The following TMEM163 variants were observed in gnomAD, a reference collection of about 807,000 sequenced individuals.
The protein encoded by TMEM163 is transmembrane protein 163.
A neutral mutation model predicts 29.3 loss-of-function variants in TMEM163; 17 were observed. The ratio of observed to expected loss-of-function variants is 0.58; its 90% CI spans 0.40 to 0.87. The LOEUF is 0.87. TMEM163 is among the 40% of genes least tolerant of loss of function. The pLI is 0.00. For missense variants in TMEM163, 303 were observed against 381.5 expected, an observed-to-expected ratio of 0.79 and a Z score of 1.71; for synonymous variants, 157 against 160.6, an observed-to-expected ratio of 0.98 and a Z score of 0.17.
chr2:134,667,999 G>T (rs1477933546), intron 2 of TMEM163, among the ~76,000 whole-genome samples: 1 of 152,200 alleles, frequency 6.6e-6, no homozygotes, highest in Non-Finnish European at 1.5e-5. Context: ...CGGATCTGCT[G>T]ATCCAGCCCT....
Position 134,456,541 on chromosome 2 carries a change from C to T in TMEM163, c.*175G>A, listed in dbSNP as rs965780706. 2.9e-5 allele frequency: 20 copies of T among 680,782 alleles called. No individual in the cohort carries two copies. The highest frequency in any genetic ancestry group is 1.2e-4 in the African/African-American group (7 of 56,448). The allele number at this position is 680,782 out of a possible 1,614,324, so 42.2% of individuals were successfully genotyped here. The stretch of plus-strand genomic sequence containing the variant: ...ATTGTCCCAACATGTTTGATGGGGG[C>T]GGCAGGTGATGGGGGCAAGGTAGAT... On this transcript the variant is annotated 3_prime_UTR_variant, in exon 8 of 8. Transcript: ENST00000281924.
At chr2:134,652,144 C>G (rs1389106536) in intron 2 of TMEM163, among the ~76,000 whole-genome samples, 1 of 132,358 alleles carries the variant, frequency 7.6e-6, no homozygotes, top group African/African-American at 3.4e-5. Flanking sequence ...GCAGTATGGC[C>G]ATTTTCACGA....
intron 2 of TMEM163, among the ~76,000 whole-genome samples, chr2:134,625,821 G>C (rs1682836381): frequency 6.6e-6 from 1 of 152,160 alleles, no homozygotes; most frequent in Admixed American, 6.5e-5. Flanking sequence ...GCTTATCAGA[G>C]AGTCAGCTGT....
chr2:134,545,653 A>G (rs1049879411), intron 4 of TMEM163, among the ~76,000 whole-genome samples: 1 of 152,072 alleles, frequency 6.6e-6, no homozygotes, highest in Non-Finnish European at 1.5e-5. Flanking sequence ...CATTCCTGGT[A>G]ACTTAAATCT....
intron 1 of TMEM163, 69 bp downstream of exon 1, chr2:134,718,665 G>A (rs1685093019): frequency 2.8e-6 from 3 of 1,076,262 alleles, no homozygotes; most frequent in Non-Finnish European, 2.3e-6. Flanking sequence ...AGCGCGGCCC[G>A]CGAGTGGGGA....
chr2:134,688,051 C>T (rs1165882531), intron 2 of TMEM163, among the ~76,000 whole-genome samples: 2 of 152,088 alleles, frequency 1.3e-5, no homozygotes, highest in Non-Finnish European at 2.9e-5. Context: ...ATAACAAAGC[C>T]ACTACCGGCC....
At chr2:134,590,050 A>G (rs533477145) in intron 2 of TMEM163, among the ~76,000 whole-genome samples, 45 of 152,248 alleles carry the variant, frequency 3.0e-4, no homozygotes, top group African/African-American at 1.1e-3. Flanking sequence ...GCTCTTATTC[A>G]TCAGTCACTC....
chr2:134,715,023 A>G (rs534820558), intron 1 of TMEM163, among the ~76,000 whole-genome samples: 5 of 152,264 alleles, frequency 3.3e-5, no homozygotes, highest in South Asian at 4.1e-4. Flanking sequence ...ATCATGGCCA[A>G]TTGATTTTCA....
chr2:134,586,457 C>A (rs2104798784), intron 2 of TMEM163, among the ~76,000 whole-genome samples: 1 of 152,314 alleles, frequency 6.6e-6, no homozygotes, highest in East Asian at 1.9e-4. Context: ...TTTCACGTGG[C>A]ATTCTCTTTG....
At chr2:134,549,974 C>T (rs1266126507) in intron 4 of TMEM163, among the ~76,000 whole-genome samples, 2 of 152,108 alleles carry the variant, frequency 1.3e-5, no homozygotes, top group Admixed American at 1.3e-4. Context: ...CTTCCATAAT[C>T]ACAGAGATAC....
intron 5 of TMEM163, among the ~76,000 whole-genome samples, chr2:134,499,382 G>A (rs1679652065): frequency 6.6e-6 from 1 of 152,202 alleles, no homozygotes; most frequent in South Asian, 2.1e-4. Context: ...TTCCAGAACT[G>A]CAGTTTCAGA....
intron 1 of TMEM163, among the ~76,000 whole-genome samples, chr2:134,714,013 G>C (rs533406572): frequency 1.3e-5 from 2 of 152,258 alleles, no homozygotes; most frequent in South Asian, 4.1e-4. Context: ...TAAAACTAGA[G>C]GTAGCTTCCC....
chr2:134,599,065 A>G (rs903187433), intron 2 of TMEM163, among the ~76,000 whole-genome samples: 2 of 151,080 alleles, frequency 1.3e-5, no homozygotes, highest in Non-Finnish European at 2.9e-5. Flanking sequence ...GGACAAGATA[A>G]TTATGAAAGA....
intron 2 of TMEM163, among the ~76,000 whole-genome samples, chr2:134,594,809 T>G (rs764348240): frequency 5.9e-5 from 9 of 151,920 alleles, no homozygotes; most frequent in Non-Finnish European, 1.2e-4. Flanking sequence ...AATATAAACT[T>G]CAAGGTACAA....
intron 2 of TMEM163, among the ~76,000 whole-genome samples, chr2:134,628,983 T>C (rs1276045262): frequency 6.6e-6 from 1 of 152,244 alleles, no homozygotes; most frequent in Non-Finnish European, 1.5e-5. Flanking sequence ...TCATCATAGA[T>C]GCCTACGATA....
At chr2:134,693,849 A>T (rs1684526359) in intron 2 of TMEM163, among the ~76,000 whole-genome samples, 1 of 152,142 alleles carries the variant, frequency 6.6e-6, no homozygotes, top group Non-Finnish European at 1.5e-5. Flanking sequence ...CTCCTACATG[A>T]GGAACAGCTG....
chr2:134,456,764 G>A lies in TMEM163; in HGVS notation c.822C>T (p.Asp274=). Residue 274 remains aspartate (D), a synonymous_variant, in exon 8 of 8, where the codon GAC becomes GAT. Transcript: ENST00000281924. ...IFAYGVKLLI[D]MVPRVRQTRH... is the part of the protein sequence containing the mutation. ...GTGTCTGCCTCACCCTCGGCACCAT[G>A]TCGATGAGGAGTCTGCAAAGACGAA... is the stretch of plus-strand genomic sequence containing the variant. The A allele has an allele frequency of 6.2e-7, 1 of 1,613,882 alleles. No homozygotes were observed.
In TMEM163 at chr2:134,631,372, A is replaced by T. The variant is rs549060462; in HGVS notation, c.323-79281T>A. Among the ~76,000 whole-genome samples the T allele has an allele frequency of 1.1e-3, 172 of 152,216 alleles. 1 individual carries two copies. Among genetic ancestry groups the T allele is most frequent in the East Asian group, 1.5e-3 (8 of 5,188 alleles). On this transcript the variant is annotated intron_variant, in intron 2 of 7. Coordinates refer to ENST00000281924, the MANE Select transcript of TMEM163 (RefSeq NM_030923.5). The stretch of plus-strand genomic sequence containing the variant: ...TCTGTTTTGTTTTTGTACTGTAATG[A>T]CATTTTTGAACATTCTTTGCTGGGG...
At chr2:134,622,275 A>G (rs1370742573) in intron 2 of TMEM163, among the ~76,000 whole-genome samples, 1 of 152,252 alleles carries the variant, frequency 6.6e-6, no homozygotes, top group Non-Finnish European at 1.5e-5. Flanking sequence ...AATTTATAAT[A>G]TATAAATTAT....
Sources: allele counts gnomAD v4.1 joint callset (sites outside exome capture counted in the v4.1 genomes callset), GRCh38; gene constraint gnomAD v4.1.1; transcripts MANE v1.5; gene names NCBI Gene and HGNC (gene_info 2026-07-23, HGNC 2026-07-21).